SEMA6D: variants seen among roughly 807,000 people sequenced by gnomAD.
SEMA6D encodes semaphorin 6D.
In SEMA6D, 35 loss-of-function variants were observed where a neutral mutation model predicts 106.6. The observed-to-expected ratio is 0.33, with a 90% CI of 0.25 to 0.44. SEMA6D has a LOEUF of 0.44. SEMA6D is among the 20% of genes least tolerant of loss of function. SEMA6D has a pLI of 1.00. For missense variants in SEMA6D, 1,185 were observed against 1,345.9 expected, an observed-to-expected ratio of 0.88 and a Z score of 1.87; for synonymous variants, 499 against 487.7, an observed-to-expected ratio of 1.02 and a Z score of -0.31.
chr15:47,200,906 A>C (rs532869654), intron 1 of SEMA6D, among the ~76,000 whole-genome samples: 47 of 152,326 alleles, frequency 3.1e-4, no homozygotes, highest in African/African-American at 1.1e-3. Flanking sequence ...AAACAATATG[A>C]TGACTGAATG....
intron 1 of SEMA6D, among the ~76,000 whole-genome samples, chr15:47,338,662 T>G (rs1015681376): frequency 2.6e-5 from 4 of 152,188 alleles, no homozygotes; most frequent in Non-Finnish European, 4.4e-5. Context: ...TGAATGAGGT[T>G]CTAGTAATGT....
chr15:47,518,007 A>G (rs1175537117), intron 3 of SEMA6D, among the ~76,000 whole-genome samples: 4 of 152,124 alleles, frequency 2.6e-5, no homozygotes, highest in South Asian at 2.1e-4. Flanking sequence ...ACCTGAGTGC[A>G]TGGCTTGCTT....
chr15:47,497,857 C>T (rs1036808274), intron 3 of SEMA6D, among the ~76,000 whole-genome samples: 1 of 152,072 alleles, frequency 6.6e-6, no homozygotes, highest in Non-Finnish European at 1.5e-5. Flanking sequence ...CCCTCTTTGG[C>T]CTTCTTTGGC....
At chr15:47,402,017 G>C (rs527481281) in intron 1 of SEMA6D, among the ~76,000 whole-genome samples, 1 of 152,216 alleles carries the variant, frequency 6.6e-6, no homozygotes, top group South Asian at 2.1e-4. Flanking sequence ...AGATAAACTG[G>C]TAAATAAATA....
intron 1 of SEMA6D, among the ~76,000 whole-genome samples, chr15:47,313,503 G>A (rs551727216): frequency 1.3e-5 from 2 of 152,234 alleles, no homozygotes; most frequent in Non-Finnish European, 2.9e-5. Flanking sequence ...TATAGTTTAT[G>A]TATCCATTTA....
intron 1 of SEMA6D, among the ~76,000 whole-genome samples, chr15:47,411,516 A>G (rs1044468387): frequency 2.0e-5 from 3 of 152,180 alleles, no homozygotes; most frequent in African/African-American, 7.2e-5. Context: ...TAAAACTTAT[A>G]TCTCCTCTTA....
chr15:47,628,767 T>G (rs2077245568), intron 4 of SEMA6D, among the ~76,000 whole-genome samples: 1 of 152,160 alleles, frequency 6.6e-6, no homozygotes, highest in African/African-American at 2.4e-5. Flanking sequence ...GGTCTTTTCT[T>G]CTTTCATGGC....
At chr15:47,366,419 C>T (rs2039032261) in intron 1 of SEMA6D, among the ~76,000 whole-genome samples, 1 of 152,164 alleles carries the variant, frequency 6.6e-6, no homozygotes, top group South Asian at 2.1e-4. Context: ...TGTTCAGTAA[C>T]ACATAGTAAG....
intron 1 of SEMA6D, among the ~76,000 whole-genome samples, chr15:47,341,852 C>T (rs2037826471): frequency 6.6e-6 from 1 of 152,032 alleles, no homozygotes; most frequent in Non-Finnish European, 1.5e-5. Flanking sequence ...CAATAGTGAG[C>T]TCATTTTTAG....
At chr15:47,560,769 T>C (rs1173566361) in intron 3 of SEMA6D, among the ~76,000 whole-genome samples, 2 of 152,066 alleles carry the variant, frequency 1.3e-5, no homozygotes, top group African/African-American at 2.4e-5. Context: ...CTGTGTGCCC[T>C]AGTCCAGTAT....
intron 1 of SEMA6D, among the ~76,000 whole-genome samples, chr15:47,731,460 G>A (rs567999803): frequency 6.6e-6 from 1 of 152,326 alleles, no homozygotes; most frequent in South Asian, 2.1e-4. Flanking sequence ...GAAAGAGAAT[G>A]CCTTCATAGA....
At chr15:47,664,096 C>T (rs1032402894) in intron 4 of SEMA6D, among the ~76,000 whole-genome samples, 1 of 152,128 alleles carries the variant, frequency 6.6e-6, no homozygotes, top group Non-Finnish European at 1.5e-5. Flanking sequence ...ATTAACAGAG[C>T]CTCAAAGCAA....
At chr15:47,327,123 C>T (rs931950945) in intron 1 of SEMA6D, among the ~76,000 whole-genome samples, 4 of 152,104 alleles carry the variant, frequency 2.6e-5, no homozygotes, top group Non-Finnish European at 5.9e-5. Context: ...CCTTGGCATC[C>T]CCTGGAACTG....
At chr15:47,682,608 G>T (rs2078381567) in intron 4 of SEMA6D, among the ~76,000 whole-genome samples, 1 of 152,164 alleles carries the variant, frequency 6.6e-6, no homozygotes, top group African/African-American at 2.4e-5. Flanking sequence ...TACAGGGCTT[G>T]GTTTACCCAC....
intron 3 of SEMA6D, among the ~76,000 whole-genome samples, chr15:47,582,915 C>G (rs1224360268): frequency 3.3e-5 from 5 of 152,200 alleles, no homozygotes; most frequent in East Asian, 1.9e-4. Context: ...TTTTACAAAG[C>G]TATATCATTT....
At chr15:47,403,779 G>A (rs941644017) in intron 1 of SEMA6D, among the ~76,000 whole-genome samples, 2 of 152,174 alleles carry the variant, frequency 1.3e-5, no homozygotes, top group South Asian at 2.1e-4. Flanking sequence ...AGAGCGGCCG[G>A]TGTGGGAGAT....
At chr15:47,730,503 C>G in intron 1 of SEMA6D, 1 of 1,296,470 alleles carries the variant, frequency 7.7e-7, no homozygotes, top group Non-Finnish European at 1.1e-6. Flanking sequence ...TTATTGTCCA[C>G]CAAGGTGGTG....
chr15:47,270,594 A>G (rs1014461798), intron 1 of SEMA6D, among the ~76,000 whole-genome samples: 1 of 152,210 alleles, frequency 6.6e-6, no homozygotes, highest in African/African-American at 2.4e-5. Context: ...TGTGAACACT[A>G]AGAAACTAAC....
At position 47,441,322 on chromosome 15, in the gene SEMA6D, A is replaced by C. The variant is rs192519183; in HGVS notation, c.-159+28850A>C. ...TGAAAGACAAGTTAAACAGAGAAGT[A>C]AATAATGCTGGGGAGAAACCAAAGT... On this transcript the variant is annotated intron_variant, in intron 2 of 19. Coordinates refer to the SEMA6D transcript ENST00000558014. Among the ~76,000 whole-genome samples the C allele has an allele frequency of 6.7e-4, 102 of 152,240 alleles. No individual in the cohort carries two copies. In the Middle Eastern group the frequency reaches 0.02, roughly 30 times the overall value.
Sources: gnomAD v4.1 joint callset for allele counts (sites outside exome capture counted in the v4.1 genomes callset) on GRCh38, gnomAD v4.1.1 for gene constraint, MANE v1.5 for transcripts, NCBI Gene and HGNC (gene_info 2026-07-23, HGNC 2026-07-21) for gene names.